HMGCLL1: variants seen among roughly 807,000 people sequenced by gnomAD.
HMGCLL1 encodes 3-hydroxy-3-methylglutaryl-CoA lyase like 1, also known as 3-hydroxymethyl-3-methylglutaryl-CoA lyase, cytoplasmic.
Under a neutral mutation model 39.1 loss-of-function variants are expected in HMGCLL1, and 36 were observed. The ratio of observed to expected loss-of-function variants is 0.92; its 90% confidence interval spans 0.71 to 1.22. The LOEUF (loss-of-function observed/expected upper bound fraction) is 1.22. HMGCLL1 is among the 50% of genes most tolerant of loss of function. HMGCLL1 has a pLI of 0.00. For missense variants in HMGCLL1, 451 were observed against 416.5 expected (o/e 1.08, Z -0.72); for synonymous variants, 149 against 144.0 (o/e 1.03, Z -0.25).
At chr6:55,609,211 T>G in the HMGCLL1 span, among the ~76,000 whole-genome samples, 2 of 152,196 alleles carry the variant, frequency 1.3e-5, no homozygotes, top group Non-Finnish European at 2.9e-5. Context: ...TGCTGCTGCC[T>G]GCTAAGTCAA....
chr6:55,508,162 G>A (rs7768864), intron 5 of HMGCLL1, among the ~76,000 whole-genome samples: 103,556 of 151,438 alleles, frequency 0.68, 35,421 homozygotes, highest in Non-Finnish European at 0.7. Context: ...ACCATGTTTA[G>A]TCCAGGTGTC....
chr6:55,583,467 T>C (rs1172719014), upstream of HMGCLL1, among the ~76,000 whole-genome samples: 1 of 152,060 alleles, frequency 6.6e-6, no homozygotes, highest in Non-Finnish European at 1.5e-5. Context: ...GTCCTTGCGA[T>C]AGTTTACTGA....
At chr6:55,640,387 A>G in the HMGCLL1 span, among the ~76,000 whole-genome samples, 5 of 152,246 alleles carry the variant, frequency 3.3e-5, no homozygotes, top group South Asian at 6.2e-4. Flanking sequence ...TACTACAAGA[A>G]TGAATCACAT....
At chr6:55,655,533 T>C in the HMGCLL1 span, among the ~76,000 whole-genome samples, 1 of 128,386 alleles carries the variant, frequency 7.8e-6, no homozygotes, top group Non-Finnish European at 1.6e-5. Flanking sequence ...GGTAGTTATA[T>C]TGGTAGATAG....
rs1473413002 is a variant in HMGCLL1, at chr6:55,506,917, A to C, written c.542+7131T>G. On this transcript the variant is annotated intron_variant, in intron 5 of 8. Coordinates refer to ENST00000274901, the MANE Select transcript of HMGCLL1 (RefSeq NM_001042406.2). Reference sequence around the variant, plus strand: ...AAAACTCCTATCAATAGAATTGTGAAGGAAAAAATAAATTCATGCTGGCTT... The same window carrying C: ...AAAACTCCTATCAATAGAATTGTGACGGAAAAAATAAATTCATGCTGGCTT... Among the ~76,000 whole-genome samples, 8 of 151,802 alleles carry C rather than the reference A, an allele frequency of 5.3e-5. No individual in the cohort carries two copies. The East Asian group carries it at 1.4e-3, about 26-fold the overall frequency.
intron 3 of HMGCLL1, among the ~76,000 whole-genome samples, chr6:55,531,882 G>C (rs1234759963): frequency 6.6e-6 from 1 of 152,070 alleles, no homozygotes; most frequent in Non-Finnish European, 1.5e-5. Context: ...TCTAGTTGCA[G>C]GAAAACAAGC....
chr6:55,495,424 G>A lies in HMGCLL1; in HGVS notation c.790C>T (p.Leu264Phe), dbSNP rs576916928. 1 of 1,612,750 alleles carries A rather than the reference G, an allele frequency of 6.2e-7. No homozygotes were observed. Among genetic ancestry groups the A allele is most frequent in the African/African-American group, 1.3e-5 (1 of 74,964 alleles). Residue 264 changes from leucine to phenylalanine, a missense_variant, in exon 7 of 9, where the codon CTT (leucine) becomes TTT (phenylalanine). Physicochemically the swap from Leu to Phe is conservative, Grantham distance 22. Transcript: ENST00000274901. ...GQALANILTA[L>F]QMGINVVDSA... ...ACACAAAGAGTACAAAATACCTGAA[G>A]GGCCGTAAGGATATTTGCTAAGGCT... is the stretch of plus-strand genomic sequence containing the variant.
At chr6:55,676,516 C>T in the HMGCLL1 span, among the ~76,000 whole-genome samples, 6 of 152,188 alleles carry the variant, frequency 3.9e-5, no homozygotes, top group East Asian at 1.9e-4. Context: ...AAATTTTTCC[C>T]TTTTCCTCAC....
intron 6 of HMGCLL1, among the ~76,000 whole-genome samples, chr6:55,497,309 G>A (rs1344208489): frequency 6.6e-6 from 1 of 151,240 alleles, no homozygotes; most frequent in East Asian, 1.9e-4. Context: ...CTAAGCCTTG[G>A]TTACTCTGTT....
chr6:55,605,154 C>T, the HMGCLL1 span, among the ~76,000 whole-genome samples: 2 of 152,164 alleles, frequency 1.3e-5, no homozygotes, highest in African/African-American at 2.4e-5. Flanking sequence ...GCACCTTCCC[C>T]AGGGTGGTCT....
chr6:55,538,628 A>G (rs1769161677), intron 3 of HMGCLL1, among the ~76,000 whole-genome samples: 1 of 152,152 alleles, frequency 6.6e-6, no homozygotes, highest in Admixed American at 6.6e-5. Context: ...AGTGAGAGTC[A>G]ATTGCCGATG....
At chr6:55,620,821 A>G in the HMGCLL1 span, among the ~76,000 whole-genome samples, 1 of 152,092 alleles carries the variant, frequency 6.6e-6, no homozygotes. Flanking sequence ...AAAGAAGTCT[A>G]GTTTTATTCT....
At chr6:55,477,228 A>ATTATATATTATATAC (rs1765383746) in intron 7 of HMGCLL1, among the ~76,000 whole-genome samples, 1 of 19,218 alleles carries the variant, frequency 5.2e-5, no homozygotes, top group Non-Finnish European at 7.8e-5. Context: ...ATAATATATA[A>ATTATATATTATATAC]TATATATTAT....
At chr6:55,517,379 A>G (rs1767795274) in intron 3 of HMGCLL1, among the ~76,000 whole-genome samples, 2 of 152,204 alleles carry the variant, frequency 1.3e-5, no homozygotes, top group South Asian at 2.1e-4. Context: ...CATTGACATA[A>G]CCATGAGCCT....
At chr6:55,460,283 G>C (rs889074043) in intron 7 of HMGCLL1, among the ~76,000 whole-genome samples, 1 of 151,764 alleles carries the variant, frequency 6.6e-6, no homozygotes, top group Non-Finnish European at 1.5e-5. Context: ...ATTCACAAAG[G>C]CTAATTTATT....
chr6:55,635,090 A>G, the HMGCLL1 span, among the ~76,000 whole-genome samples: 1 of 152,118 alleles, frequency 6.6e-6, no homozygotes, highest in Admixed American at 6.6e-5. Context: ...GTCTGGACAG[A>G]CAAAATGACC....
At chr6:55,577,257 C>A in intron 1 of HMGCLL1, 4 of 1,468,378 alleles carry the variant, frequency 2.7e-6, no homozygotes, top group Middle Eastern at 1.8e-4. Context: ...CACAATTCAA[C>A]AGTATTGGAA....
At chr6:55,554,751 G>T (rs986104445) in intron 1 of HMGCLL1, among the ~76,000 whole-genome samples, 2 of 152,034 alleles carry the variant, frequency 1.3e-5, no homozygotes, top group Non-Finnish European at 2.9e-5. Flanking sequence ...CCTTGCCCAG[G>T]TCTAAGGCGT....
chr6:55,439,397 G>T, intron 8 of HMGCLL1, 37 bp downstream of exon 8: 1 of 1,575,904 alleles, frequency 6.3e-7, no homozygotes, highest in South Asian at 1.1e-5. Flanking sequence ...GAGCTGCAAG[G>T]AATGCATGAA....
Sources: gnomAD v4.1 joint callset for allele counts (sites outside exome capture counted in the v4.1 genomes callset) on GRCh38, gnomAD v4.1.1 for gene constraint, MANE v1.5 for transcripts, NCBI Gene and HGNC (gene_info 2026-07-23, HGNC 2026-07-21) for gene names.